TTLL11: variants seen among roughly 807,000 people sequenced by gnomAD.
The protein encoded by TTLL11 is tubulin polyglutamylase TTLL11.
A neutral mutation model predicts 51.7 loss-of-function variants in TTLL11; 42 were observed. The observed-to-expected ratio is 0.81, with a 90% CI of 0.64 to 1.05. The LOEUF is 1.05. TTLL11 is among the 50% of genes least tolerant of loss of function. The pLI is 0.00. For missense variants in TTLL11, 799 were observed against 940.4 expected, an observed-to-expected ratio of 0.85 and a Z score of 1.97; for synonymous variants, 381 against 383.5, an observed-to-expected ratio of 0.99 and a Z score of 0.08.
chr9:121,919,977 A>G (rs1840470141), intron 6 of TTLL11, among the ~76,000 whole-genome samples: 1 of 151,996 alleles, frequency 6.6e-6, no homozygotes, highest in Non-Finnish European at 1.5e-5. Flanking sequence ...AGTTCTTTGC[A>G]TGCATTATAG....
chr9:121,993,087 T>C (rs1843159171), intron 3 of TTLL11, among the ~76,000 whole-genome samples: 1 of 152,014 alleles, frequency 6.6e-6, no homozygotes, highest in African/African-American at 2.4e-5. Context: ...GTCAAATTCA[T>C]AGAGACAGAA....
At chr9:121,999,802 C>T (rs961620875) in intron 3 of TTLL11, among the ~76,000 whole-genome samples, 6 of 152,312 alleles carry the variant, frequency 3.9e-5, no homozygotes, top group African/African-American at 9.6e-5. Context: ...TACCCACCAG[C>T]CCCCATCACA....
chr9:122,053,013 C>T (rs946151076), intron 1 of TTLL11, among the ~76,000 whole-genome samples: 1 of 152,178 alleles, frequency 6.6e-6, no homozygotes, highest in African/African-American at 2.4e-5. Flanking sequence ...GAAAGCAAGC[C>T]TCCTGGATTA....
chr9:121,971,794 AT>A (rs1449222999), intron 6 of TTLL11, among the ~76,000 whole-genome samples: 1 of 151,274 alleles, frequency 6.6e-6, no homozygotes, highest in Non-Finnish European at 1.5e-5. Context: ...ATGGAATACT[AT>A]GCAGCCATAA....
At chr9:121,978,666 G>A (rs1426620477) in intron 4 of TTLL11, among the ~76,000 whole-genome samples, 1 of 152,068 alleles carries the variant, frequency 6.6e-6, no homozygotes, top group Non-Finnish European at 1.5e-5. Flanking sequence ...TTCTACTTGA[G>A]GGGCTCCCTG....
At chr9:122,002,022 G>A (rs1843483936) in intron 3 of TTLL11, among the ~76,000 whole-genome samples, 1 of 152,218 alleles carries the variant, frequency 6.6e-6, no homozygotes, top group South Asian at 2.1e-4. Context: ...AACTCCTACT[G>A]TGCCACTGGA....
chr9:121,848,157 A>G (rs1274022842), intron 8 of TTLL11, among the ~76,000 whole-genome samples: 2 of 152,074 alleles, frequency 1.3e-5, no homozygotes, highest in Non-Finnish European at 2.9e-5. Context: ...CAATGAGCCA[A>G]GATTGTGTCA....
At chr9:121,982,169 T>A (rs575338086) in intron 4 of TTLL11, among the ~76,000 whole-genome samples, 1 of 152,326 alleles carries the variant, frequency 6.6e-6, no homozygotes, top group South Asian at 2.1e-4. Context: ...GTGTCCATAT[T>A]CCAAAAATTG....
At chr9:121,953,643 AAAAAAAAAAAAG>A (rs761514554) in intron 6 of TTLL11, among the ~76,000 whole-genome samples, 33,491 of 148,100 alleles carry the variant, frequency 0.23, 4,150 homozygotes, top group Non-Finnish European at 0.29. Context: ...AAAAAAAAAA[AAAAAAAAAAAAG>A]AAGAAGATTA....
chr9:121,841,866 G>A (rs946850428), intron 8 of TTLL11, among the ~76,000 whole-genome samples: 6 of 151,782 alleles, frequency 4.0e-5, no homozygotes, highest in African/African-American at 1.5e-4. Context: ...GTCTCAAATC[G>A]TGGCCAGATG....
chr9:121,893,983 G>A (rs1251916385), intron 6 of TTLL11, among the ~76,000 whole-genome samples: 3 of 152,170 alleles, frequency 2.0e-5, no homozygotes, highest in Non-Finnish European at 4.4e-5. Context: ...GGGCCACCAC[G>A]AGCCACACCT....
At chr9:121,910,359 C>A (rs1840072433) in intron 6 of TTLL11, among the ~76,000 whole-genome samples, 1 of 152,232 alleles carries the variant, frequency 6.6e-6, no homozygotes, top group Admixed American at 6.5e-5. Flanking sequence ...TGCTGCTTTT[C>A]TGCAGGGAGC....
At chr9:121,992,553 T>C (rs1843146269) in intron 3 of TTLL11, among the ~76,000 whole-genome samples, 1 of 152,208 alleles carries the variant, frequency 6.6e-6, no homozygotes, top group Admixed American at 6.5e-5. Flanking sequence ...GTGAATTAAA[T>C]AAAAATACCA....
chr9:121,863,472 T>A (rs541659576), intron 7 of TTLL11, among the ~76,000 whole-genome samples: 1 of 152,324 alleles, frequency 6.6e-6, no homozygotes, highest in South Asian at 2.1e-4. Context: ...TATAGTCATT[T>A]TTTTTCTGAC....
At chr9:122,057,278 T>C (rs139067852) in intron 1 of TTLL11, among the ~76,000 whole-genome samples, 15 of 148,722 alleles carry the variant, frequency 1.0e-4, no homozygotes, top group African/African-American at 3.5e-4. Context: ...AAATAGAAAA[T>C]AGAAAGTGAT....
intron 1 of TTLL11, among the ~76,000 whole-genome samples, chr9:122,039,948 G>C (rs1211279116): frequency 2.6e-5 from 4 of 151,654 alleles, no homozygotes; most frequent in Non-Finnish European, 5.9e-5. Context: ...GAATCCCAGG[G>C]CCTAAAACAG....
At chr9:121,968,180 T>G (rs1554775393) in intron 6 of TTLL11, among the ~76,000 whole-genome samples, 2 of 152,220 alleles carry the variant, frequency 1.3e-5, no homozygotes, top group Non-Finnish European at 2.9e-5. Context: ...TCCTACCCCA[T>G]AAGCTTCCTG....
chr9:121,954,144 A>G (rs1384238112), intron 6 of TTLL11, among the ~76,000 whole-genome samples: 2 of 152,166 alleles, frequency 1.3e-5, no homozygotes, highest in African/African-American at 4.8e-5. Flanking sequence ...GTCTCCCAAC[A>G]CTAGTATTGC....
At chr9:121,958,753 C>T (rs1347127169) in intron 6 of TTLL11, among the ~76,000 whole-genome samples, 1 of 152,170 alleles carries the variant, frequency 6.6e-6, no homozygotes, top group Non-Finnish European at 1.5e-5. Flanking sequence ...TTCCTGACTA[C>T]CTTGCGTGGT....
Sources: gnomAD v4.1 joint callset for allele counts (sites outside exome capture counted in the v4.1 genomes callset) on GRCh38, gnomAD v4.1.1 for gene constraint, MANE v1.5 for transcripts, NCBI Gene and HGNC (gene_info 2026-07-23, HGNC 2026-07-21) for gene names.